HENMT1: variants seen among roughly 807,000 people sequenced by gnomAD.
The protein encoded by HENMT1 is HEN methyltransferase 1.
In HENMT1, 27 loss-of-function variants were observed where a neutral mutation model predicts 31.1. That is an observed-to-expected ratio of 0.87 (90% CI 0.64 to 1.20). HENMT1 has a LOEUF of 1.20. HENMT1 is among the 50% of genes most tolerant of loss of function. The pLI, the probability that HENMT1 is intolerant of heterozygous loss-of-function variation, is 0.00. For missense variants in HENMT1, 438 were observed against 469.6 expected (o/e 0.93, Z 0.62); for synonymous variants, 167 against 172.2 (o/e 0.97, Z 0.24).
At chr1:108,651,270 A>G in intron 5 of HENMT1, 61 bp from the exon 6 acceptor site, 2 of 1,397,814 alleles carry the variant, frequency 1.4e-6, no homozygotes, top group Non-Finnish European at 2.0e-6. Context: ...TATTTTTCTA[A>G]TTGATTTATC....
upstream of HENMT1, chr1:108,661,131 G>A (rs1308859501): frequency 1.0e-5 from 4 of 395,668 alleles, no homozygotes; most frequent in Non-Finnish European, 1.4e-5. Flanking sequence ...CTACCGCCGC[G>A]GCTACGCCGG....
At position 108,648,549 on chromosome 1, in the gene HENMT1, C is replaced by T; in HGVS notation, c.*17G>A. On this transcript the variant is annotated 3_prime_UTR_variant, in exon 8 of 8. Coordinates refer to ENST00000651461, the MANE Select transcript of HENMT1 (RefSeq NM_001102592.2). ...AACTATCGCTGAGACCCTGAAATTTCAGGAAATAAACATGGTTCAAAACTC... is the reference window on the plus strand; with the variant it reads ...AACTATCGCTGAGACCCTGAAATTTTAGGAAATAAACATGGTTCAAAACTC... 1 of 1,600,122 alleles carries T rather than the reference C, an allele frequency of 6.2e-7. No homozygotes were observed. The highest frequency in any genetic ancestry group is 1.7e-5 in the Admixed American group (1 of 59,034).
At chr1:108,660,128 A>AG (rs1658401621) in intron 1 of HENMT1, among the ~76,000 whole-genome samples, 166 bp from the exon 2 acceptor site, 1 of 151,234 alleles carries the variant, frequency 6.6e-6, no homozygotes, top group African/African-American at 2.4e-5. Flanking sequence ...ACTCAAAAAA[A>AG]AAAAAAAAAA....
chr1:108,658,011 A>C (rs1292416239), intron 2 of HENMT1, among the ~76,000 whole-genome samples: 1 of 148,672 alleles, frequency 6.7e-6, no homozygotes, highest in Non-Finnish European at 1.5e-5. Flanking sequence ...ACACACACAT[A>C]TATGTACACA....
intron 5 of HENMT1, 131 bp from the exon 6 acceptor site, chr1:108,651,340 T>C (rs1179120201): frequency 2.7e-6 from 2 of 749,360 alleles, no homozygotes; most frequent in East Asian, 2.7e-5. Context: ...ATAATGCTTA[T>C]ATGACCTAAG....
At chr1:108,656,315 T>G (rs1280049724) in intron 3 of HENMT1, among the ~76,000 whole-genome samples, 3 of 152,194 alleles carry the variant, frequency 2.0e-5, no homozygotes, top group Admixed American at 2.0e-4. Flanking sequence ...CACAGGAATC[T>G]TCACTGAGTC....
intron 1 of HENMT1, 48 bp from the exon 2 acceptor site, chr1:108,660,010 T>C (rs1658394444): frequency 2.0e-6 from 2 of 1,001,734 alleles, no homozygotes; most frequent in East Asian, 3.0e-5. Flanking sequence ...CTGAAAGAAA[T>C]AGCTGCCTAG....
In HENMT1 at chr1:108,655,713, G is replaced by A; in HGVS notation, c.151-15C>T. ...AGGTCTGCAACCTGTAGATGAGACAGAATGTTATTTCAAAGACATTTATAG... is the reference window on the plus strand; with the variant it reads ...AGGTCTGCAACCTGTAGATGAGACAAAATGTTATTTCAAAGACATTTATAG... On this transcript the variant is annotated splice_polypyrimidine_tract_variant and intron_variant, in intron 3 of 7. Transcript: ENST00000651461. 2.6e-6 allele frequency: 4 copies of A among 1,541,744 alleles called. No individual in the cohort carries two copies. Among genetic ancestry groups the A allele is most frequent in the Non-Finnish European group, 3.5e-6 (4 of 1,127,580 alleles).
At chr1:108,659,714 T>C (rs1420728965) in intron 2 of HENMT1, 150 bp downstream of exon 2, 4 of 537,606 alleles carry the variant, frequency 7.4e-6, no homozygotes, top group East Asian at 6.7e-5. Context: ...AATGTGACTC[T>C]TTCATCTATG....
chr1:108,651,175 A>G lies in HENMT1; in HGVS notation c.433T>C (p.Phe145Leu), dbSNP rs1369250857. Residue 145 changes from phenylalanine (F) to leucine (L), a missense_variant, in exon 6 of 8, where the codon TTT becomes CTT. Phe to Leu is a conservative substitution (Grantham distance 22). Transcript: ENST00000651461. ...AGGTACCCAAATACCACTTCAGGAAATCTGGCCAGATCACCTGAATCCAAA... is the reference window on the plus strand; with the variant it reads ...AGGTACCCAAATACCACTTCAGGAAGTCTGGCCAGATCACCTGAATCCAAA... ...EHLDSGDLAR[F>L]PEVVFGYLSP... is the part of the protein sequence containing the mutation. 1 of 1,613,978 alleles carries G rather than the reference A, an allele frequency of 6.2e-7. No homozygotes were observed. The highest frequency in any genetic ancestry group is 2.2e-5 in the East Asian group (1 of 44,868).
At position 108,657,431 on chromosome 1, in the gene HENMT1, T is replaced by C. The variant is rs770740383; in HGVS notation, c.150+20A>G. ...TCTACTAGTCTTAATAATTAAATGT[T>C]TGGAAAGAGAAATACCTACCTTCTT... On this transcript the variant is annotated intron_variant, in intron 3 of 7. Coordinates refer to ENST00000651461, the MANE Select transcript of HENMT1 (RefSeq NM_001102592.2). The C allele has an allele frequency of 2.5e-6, 4 of 1,571,254 alleles. No homozygotes were observed. Among genetic ancestry groups the C allele is most frequent in the Non-Finnish European group, 3.5e-6 (4 of 1,144,442 alleles).
chr1:108,660,130 A>AAAAAC (rs1430498352), intron 1 of HENMT1, among the ~76,000 whole-genome samples, 168 bp from the exon 2 acceptor site: 1 of 151,314 alleles, frequency 6.6e-6, no homozygotes, highest in African/African-American at 2.4e-5. Context: ...TCAAAAAAAA[A>AAAAAC]AAAAAAAACA....
chr1:108,651,471 C>A, intron 5 of HENMT1: 1 of 327,202 alleles, frequency 3.1e-6, no homozygotes, highest in South Asian at 4.5e-5. Flanking sequence ...ATGATGAAAC[C>A]TTGTCTCTAC....
Position 108,650,293 on chromosome 1 carries a change from T to C in HENMT1, c.674A>G (p.Gln225Arg), listed in dbSNP as rs1658011413. 1 of 1,614,034 alleles carries C rather than the reference T, an allele frequency of 6.2e-7. No individual in the cohort carries two copies. The highest frequency in any genetic ancestry group is 8.5e-7 in the Non-Finnish European group (1 of 1,179,992). ...AGAENVGYCT[Q>R]IGIFRKNGGK... ...TCCATTTTTCCGGAAGATTCCTATC[T>C]GGGTACAGTATCCAACATTCTCAGC... Residue 225 changes from glutamine to arginine, a missense_variant, in exon 7 of 8, where the codon CAG becomes CGG. Gln to Arg is a conservative substitution (Grantham distance 43). Transcript: ENST00000651461.
At chr1:108,658,284 T>C (rs1413729110) in intron 2 of HENMT1, among the ~76,000 whole-genome samples, 2 of 152,030 alleles carry the variant, frequency 1.3e-5, no homozygotes, top group Non-Finnish European at 2.9e-5. Flanking sequence ...ATTACAGGCA[T>C]GCGCCACCAT....
At chr1:108,656,073 A>T (rs1030894865) in intron 3 of HENMT1, among the ~76,000 whole-genome samples, 2 of 152,212 alleles carry the variant, frequency 1.3e-5, no homozygotes, top group African/African-American at 4.8e-5. Context: ...AGCATATTTC[A>T]GCAAACAAAG....
chr1:108,659,451 G>A (rs1484740718), intron 2 of HENMT1, among the ~76,000 whole-genome samples: 1 of 152,050 alleles, frequency 6.6e-6, no homozygotes, highest in African/African-American at 2.4e-5. Flanking sequence ...CTGGACAGCA[G>A]GGAGCTACAC....
rs148735849 is a variant in HENMT1 at position 108,648,597 on chromosome 1, C to T, written c.1151G>A (p.Arg384His). The T allele has an allele frequency of 1.2e-4, 196 of 1,613,656 alleles. 1 individual carries two copies. Among genetic ancestry groups the T allele is most frequent in the Admixed American group, 6.7e-4 (40 of 59,992 alleles). The change falls in exon 8 of 8, where the codon CGT (arginine) becomes CAT (histidine). Residue 384 changes from arginine to histidine, a missense_variant. Physicochemically the swap from Arg to His is conservative, Grantham distance 29 (BLOSUM62 0). Coordinates refer to ENST00000651461, the MANE Select transcript of HENMT1 (RefSeq NM_001102592.2). ...CTCAAACTGTTCATCAAAATAATTA[C>T]GCAGGTCAGCCACCACTGCAGAACC... Reference protein sequence around the residue: ...SDGSAVVADLRNYFDEQFEF With the variant: ...SDGSAVVADLHNYFDEQFEF
intron 6 of HENMT1, 140 bp downstream of exon 6, chr1:108,650,890 A>C: frequency 1.5e-6 from 1 of 658,140 alleles, no homozygotes. Flanking sequence ...ATCTTATTAC[A>C]TACTAAGTCA....
Sources: allele counts gnomAD v4.1 joint callset (sites outside exome capture counted in the v4.1 genomes callset), GRCh38; gene constraint gnomAD v4.1.1; transcripts MANE v1.5; gene names NCBI Gene and HGNC (gene_info 2026-07-23, HGNC 2026-07-21).